Variants in CTCF observed in about 807,000 individuals in gnomAD.
The protein encoded by CTCF is CCCTC-binding factor.
In CTCF, 7 loss-of-function variants were observed where a neutral mutation model predicts 72.3. That is an observed-to-expected ratio of 0.10 (90% CI 0.06 to 0.18). The LOEUF (loss-of-function observed/expected upper bound fraction) is 0.18, where lower values mean the gene tolerates loss of function less well. Among genes scored for constraint, CTCF ranks in the 10% least tolerant of loss-of-function variants. The pLI, the probability that CTCF is intolerant of heterozygous loss-of-function variation, is 1.00. For missense variants in CTCF, 516 were observed against 949.1 expected, an observed-to-expected ratio of 0.54 and a Z score of 6.00; for synonymous variants, 374 against 315.8, an observed-to-expected ratio of 1.18 and a Z score of -1.95.
In CTCF at chr16:67,608,056, G is replaced by A. The variant is rs573591666; in HGVS notation, c.-9-2768G>A. 2.7e-5 allele frequency among the ~76,000 whole-genome samples: 4 copies of A among 147,738 alleles called. No individual in the cohort carries two copies. In the East Asian group the frequency reaches 7.9e-4, roughly 29 times the overall value. On this transcript the variant is annotated intron_variant, in intron 2 of 11. Transcript: ENST00000264010. Reference sequence around the variant, plus strand: ...AAAGTAAAAACCGGTTGGGCGCAGTGGCTCACACCTGTAATCCCAGCACTT... The same window carrying A: ...AAAGTAAAAACCGGTTGGGCGCAGTAGCTCACACCTGTAATCCCAGCACTT...
At chr16:67,570,686 C>G (rs1337967227) in intron 1 of CTCF, 1 of 151,624 alleles carries the variant, frequency 6.6e-6, no homozygotes, top group Admixed American at 6.6e-5. Flanking sequence ...CGTGATCTGC[C>G]CGCCTTGGCC....
intron 2 of CTCF, among the ~76,000 whole-genome samples, chr16:67,592,793 G>A (rs747543772): frequency 2.0e-4 from 31 of 152,070 alleles, no homozygotes; most frequent in Admixed American, 1.5e-3. Flanking sequence ...TTGGGAGGCC[G>A]AGGTGGGTGG....
At chr16:67,637,082 C>G (rs1051416273) in intron 11 of CTCF, among the ~76,000 whole-genome samples, 3 of 152,130 alleles carry the variant, frequency 2.0e-5, no homozygotes, top group Non-Finnish European at 4.4e-5. Context: ...TAGAAGGGTA[C>G]TTGTGTTCTG....
chr16:67,583,222 A>G (rs2051614665), intron 2 of CTCF, among the ~76,000 whole-genome samples: 1 of 151,780 alleles, frequency 6.6e-6, no homozygotes, highest in African/African-American at 2.4e-5. Context: ...CCTGACCTCA[A>G]GTGATCCTCC....
intron 2 of CTCF, among the ~76,000 whole-genome samples, chr16:67,588,463 G>A (rs2051697008): frequency 6.6e-6 from 1 of 152,048 alleles, no homozygotes; most frequent in Non-Finnish European, 1.5e-5. Context: ...CTCTAACATA[G>A]TCTCTTATTA....
rs947280856 is a variant in CTCF at position 67,624,107 on chromosome 16, G to A, written c.1358-2448G>A. 3.2e-3 allele frequency among the ~76,000 whole-genome samples: 442 copies of A among 138,726 alleles called. 2 individuals carry two copies. Among genetic ancestry groups the A allele is most frequent in the African/African-American group, 9.1e-3 (313 of 34,366 alleles). The allele number at this position is 138,726 out of a possible 152,430, so 91.0% of individuals were successfully genotyped here. A position where few individuals can be genotyped will look rare whatever the true frequency, so the allele number is the denominator to read the frequency against. On this transcript the variant is annotated intron_variant, in intron 7 of 11. Coordinates refer to ENST00000264010, the MANE Select transcript of CTCF (RefSeq NM_006565.4). ...TGTGTGTGTGTGTGTGTGTGTGTGT[G>A]TGTGTGTGTATGTGTGTGTATATAT...
In CTCF at chr16:67,592,289, G is replaced by A. The variant is rs147515499; in HGVS notation, c.-9-18535G>A. ...TTGCTGGGCATAGTGGTGTACGCCTGTGATCCCAGCTGCTCAGGAGGCTGA... is the reference window on the plus strand; with the variant it reads ...TTGCTGGGCATAGTGGTGTACGCCTATGATCCCAGCTGCTCAGGAGGCTGA... On this transcript the variant is annotated intron_variant, in intron 2 of 11. Coordinates refer to ENST00000264010, the MANE Select transcript of CTCF (RefSeq NM_006565.4). 5.4e-3 allele frequency among the ~76,000 whole-genome samples: 823 copies of A among 152,064 alleles called. 7 individuals are homozygous for A. Among genetic ancestry groups the A allele is most frequent in the African/African-American group, 0.019 (805 of 41,468 alleles).
At chr16:67,597,349 T>G (rs1474161165) in intron 2 of CTCF, among the ~76,000 whole-genome samples, 2 of 152,116 alleles carry the variant, frequency 1.3e-5, no homozygotes, top group African/African-American at 4.8e-5. Flanking sequence ...TGCTTTTTTT[T>G]TTTATTTTGA....
At chr16:67,580,887 AT>A (rs2142740637) in intron 2 of CTCF, among the ~76,000 whole-genome samples, 1 of 150,780 alleles carries the variant, frequency 6.6e-6, no homozygotes, top group South Asian at 2.1e-4. Flanking sequence ...AAGTGCTGGG[AT>A]TACAGGCGTG....
At chr16:67,576,422 G>A (rs2051497527) in intron 2 of CTCF, among the ~76,000 whole-genome samples, 1 of 151,554 alleles carries the variant, frequency 6.6e-6, no homozygotes, top group African/African-American at 2.4e-5. Context: ...TGTATAGTTT[G>A]TGTAATTTTT....
chr16:67,591,643 G>A (rs1292019812), intron 2 of CTCF, among the ~76,000 whole-genome samples: 3 of 151,804 alleles, frequency 2.0e-5, no homozygotes, highest in South Asian at 2.1e-4. Context: ...ACTTTTATTC[G>A]TTTTGGCTAG....
intron 4 of CTCF, among the ~76,000 whole-genome samples, chr16:67,613,387 G>C (rs902803062): frequency 3.3e-5 from 5 of 152,186 alleles, no homozygotes; most frequent in Admixed American, 6.5e-5. Context: ...CTGCACATGG[G>C]CACATTCTTC....
At chr16:67,584,287 G>A (rs548174832) in intron 2 of CTCF, among the ~76,000 whole-genome samples, 2 of 149,018 alleles carry the variant, frequency 1.3e-5, no homozygotes, top group South Asian at 2.1e-4. Flanking sequence ...GTGCCATTGC[G>A]CTCCAGCCTG....
At chr16:67,604,732 TTTTTTTTTTTTTGTTTTTTG>T (rs1207644816) in intron 2 of CTCF, among the ~76,000 whole-genome samples, 1 of 126,044 alleles carries the variant, frequency 7.9e-6, no homozygotes, top group African/African-American at 4.5e-5. Context: ...TCACCAGGGT[TTTTTTTTTTTTTGTTTTTTG>T]TTTTTTTTTT....
intron 2 of CTCF, among the ~76,000 whole-genome samples, chr16:67,597,794 G>A (rs2142781606): frequency 6.6e-6 from 1 of 152,052 alleles, no homozygotes; most frequent in East Asian, 1.9e-4. Flanking sequence ...TATTTGCTAG[G>A]CTTTGTTTCT....
At chr16:67,574,016 C>T (rs1367741566) in intron 2 of CTCF, among the ~76,000 whole-genome samples, 4 of 150,854 alleles carry the variant, frequency 2.7e-5, no homozygotes, top group South Asian at 2.1e-4. Flanking sequence ...GGCGACAAGG[C>T]GAGACTCCAT....
chr16:67,624,702 C>T (rs1031576593), intron 7 of CTCF, among the ~76,000 whole-genome samples: 1 of 152,024 alleles, frequency 6.6e-6, no homozygotes, highest in Admixed American at 6.6e-5. Flanking sequence ...AATCCTCCCA[C>T]CTCAGCCTCC....
chr16:67,601,244 G>GT (rs1465182914), intron 2 of CTCF, among the ~76,000 whole-genome samples: 1 of 147,722 alleles, frequency 6.8e-6, no homozygotes, highest in African/African-American at 2.5e-5. Context: ...GTGTGTGTGT[G>GT]TGTGTGTGTG....
At chr16:67,629,746 CTTTTTTTTTTT>C (rs71145978) in intron 10 of CTCF, among the ~76,000 whole-genome samples, 1 of 63,350 alleles carries the variant, frequency 1.6e-5, no homozygotes. Context: ...CATTAATGCC[CTTTTTTTTTTT>C]TTTTTTTTTT....
Sources: gnomAD v4.1 joint callset for allele counts (sites outside exome capture counted in the v4.1 genomes callset) on GRCh38, gnomAD v4.1.1 for gene constraint, MANE v1.5 for transcripts, NCBI Gene and HGNC (gene_info 2026-07-23, HGNC 2026-07-21) for gene names.